The following AGPS variants were observed in gnomAD, a reference collection of about 807,000 sequenced individuals.
AGPS encodes alkylglycerone phosphate synthase.
A neutral mutation model predicts 90.7 loss-of-function variants in AGPS; 26 were observed. That is an observed-to-expected ratio of 0.29 (90% CI 0.21 to 0.40). The LOEUF (loss-of-function observed/expected upper bound fraction) is 0.40. Ranked by LOEUF, AGPS falls within the 10% of genes least tolerant of loss-of-function variation. The pLI is 1.00. For missense variants in AGPS, 540 were observed against 816.1 expected (o/e 0.66, Z 4.12); for synonymous variants, 294 against 285.3 (o/e 1.03, Z -0.31).
intron 8 of AGPS, among the ~76,000 whole-genome samples, chr2:177,446,772 A>G (rs1352529156): frequency 1.3e-5 from 2 of 152,200 alleles, no homozygotes; most frequent in Non-Finnish European, 2.9e-5. Flanking sequence ...AAAATGGAAC[A>G]GTTTGAACAT....
intron 2 of AGPS, among the ~76,000 whole-genome samples, chr2:177,426,314 G>A (rs1239422512): frequency 6.6e-6 from 1 of 152,146 alleles, no homozygotes; most frequent in African/African-American, 2.4e-5. Context: ...GGGTTTTCTA[G>A]ATACAGGATC....
At position 177,499,626 on chromosome 2, in the gene AGPS, A is replaced by T. The variant is rs776065678; in HGVS notation, c.1371A>T (p.Gly457=). The change falls in exon 14 of 20, where the codon GGA becomes GGT. Residue 457 remains glycine, a synonymous_variant. Transcript: ENST00000264167. ...LKKFYITKFK[G]FDPNQLSVAT... ...TTTTTTTTTTTTTGTAGTTTAAAGG[A>T]TTTGACCCAAATCAGCTAAGTGTAG... 3.1e-6 allele frequency: 5 copies of T among 1,603,374 alleles called. No individual in the cohort carries two copies. The South Asian group carries it at 5.6e-5, about 18-fold the overall frequency.
chr2:177,442,737 C>T (rs1005795648), intron 7 of AGPS, among the ~76,000 whole-genome samples: 11 of 148,564 alleles, frequency 7.4e-5, no homozygotes, highest in African/African-American at 2.5e-4. Flanking sequence ...ATCCCAGCTA[C>T]TTGGGAGGCT....
chr2:177,458,536 T>C (rs1244247586), intron 8 of AGPS, among the ~76,000 whole-genome samples: 2 of 151,526 alleles, frequency 1.3e-5, no homozygotes, highest in Non-Finnish European at 3.0e-5. Context: ...TATACACCAA[T>C]AACAGAGAGC....
intron 8 of AGPS, among the ~76,000 whole-genome samples, chr2:177,458,571 A>T (rs1687190365): frequency 2.6e-5 from 4 of 152,220 alleles, no homozygotes; most frequent in Admixed American, 2.6e-4. Flanking sequence ...ACTCCTATTC[A>T]CAATTGCTAC....
chr2:177,455,554 A>G (rs1284616441), intron 8 of AGPS, among the ~76,000 whole-genome samples: 2 of 151,904 alleles, frequency 1.3e-5, no homozygotes, highest in Non-Finnish European at 2.9e-5. Flanking sequence ...TCAGCCTCCT[A>G]AAGTGTTAGG....
intron 16 of AGPS, among the ~76,000 whole-genome samples, chr2:177,512,603 C>T (rs1688907550): frequency 6.6e-6 from 1 of 152,146 alleles, no homozygotes; most frequent in South Asian, 2.1e-4. Flanking sequence ...TAGAGATAAG[C>T]CAACCTTTTG....
At chr2:177,483,087 T>A (rs1332225733) in intron 11 of AGPS, among the ~76,000 whole-genome samples, 1 of 152,140 alleles carries the variant, frequency 6.6e-6, no homozygotes, top group African/African-American at 2.4e-5. Context: ...AGCTTCCTGA[T>A]ATCCAGAGCA....
intron 2 of AGPS, among the ~76,000 whole-genome samples, chr2:177,430,412 T>G (rs781562887): frequency 1.3e-5 from 2 of 152,200 alleles, no homozygotes; most frequent in Non-Finnish European, 2.9e-5. Flanking sequence ...GTAAAACTCC[T>G]GGGTTACTGT....
intron 10 of AGPS, among the ~76,000 whole-genome samples, chr2:177,476,561 A>C (rs1214137687): frequency 6.8e-6 from 1 of 147,204 alleles, no homozygotes; most frequent in South Asian, 2.1e-4. Flanking sequence ...AAATTTGTTC[A>C]AGTTTATTTT....
chr2:177,483,303 C>A (rs1688001124), intron 11 of AGPS, among the ~76,000 whole-genome samples: 1 of 151,924 alleles, frequency 6.6e-6, no homozygotes, highest in African/African-American at 2.4e-5. Context: ...TATATCATTC[C>A]CAGTGCTGTT....
intron 19 of AGPS, among the ~76,000 whole-genome samples, chr2:177,534,379 T>C (rs1438904447): frequency 6.6e-6 from 1 of 152,156 alleles, no homozygotes; most frequent in African/African-American, 2.4e-5. Context: ...TTTGAAAAAC[T>C]GTACTTGAAA....
At chr2:177,398,877 A>G (rs557352956) in intron 1 of AGPS, among the ~76,000 whole-genome samples, 2 of 152,204 alleles carry the variant, frequency 1.3e-5, no homozygotes, top group Non-Finnish European at 2.9e-5. Context: ...AATGTGGAAG[A>G]CCCAAGATCA....
rs1262908888 is a variant in AGPS at position 177,434,427 on chromosome 2, C to T, written c.441+10C>T. ...TAAAACTACCTCTAAAGTAAGCAAACAAAAATTATTACTAACTCATTTAAC... is the reference window on the plus strand; with the variant it reads ...TAAAACTACCTCTAAAGTAAGCAAATAAAAATTATTACTAACTCATTTAAC... On this transcript the variant is annotated intron_variant, in intron 3 of 19. Transcript: ENST00000264167. 2 of 1,580,768 alleles carry T rather than the reference C, an allele frequency of 1.3e-6. No homozygotes were observed. The highest frequency in any genetic ancestry group is 2.7e-5 in the African/African-American group (2 of 74,304).
intron 1 of AGPS, among the ~76,000 whole-genome samples, chr2:177,406,500 G>T (rs1685471116): frequency 6.6e-6 from 1 of 152,166 alleles, no homozygotes; most frequent in Non-Finnish European, 1.5e-5. Flanking sequence ...TTTTAGACAG[G>T]GGATATATAC....
At chr2:177,484,329 C>G in intron 11 of AGPS, among the ~76,000 whole-genome samples, 1 of 151,852 alleles carries the variant, frequency 6.6e-6, no homozygotes, top group Non-Finnish European at 1.5e-5. Flanking sequence ...ACTATTCCCC[C>G]CACAAAAAGT....
intron 1 of AGPS, among the ~76,000 whole-genome samples, chr2:177,419,557 C>T (rs1685885129): frequency 6.6e-6 from 1 of 151,804 alleles, no homozygotes; most frequent in Admixed American, 6.6e-5. Context: ...ATGATTCAAC[C>T]ATTGATTTTG....
intron 1 of AGPS, among the ~76,000 whole-genome samples, chr2:177,396,855 A>G (rs1321556810): frequency 6.6e-6 from 1 of 152,160 alleles, no homozygotes; most frequent in Non-Finnish European, 1.5e-5. Flanking sequence ...GAATGTGGAC[A>G]TTTCAGAGGG....
In AGPS at chr2:177,497,750, G is replaced by A. The variant is rs776270068; in HGVS notation, c.1347G>A (p.Lys449=). ...CATCATTTTTGGACGGATTAAAAAA[G>A]TTTTATATTACAAAGGTAAGAATTT... ...IFTSFLDGLK[K]FYITKFKGFD... Residue 449 remains lysine (K), a synonymous_variant, in exon 13 of 20, where the codon AAG becomes AAA. Coordinates refer to ENST00000264167, the MANE Select transcript of AGPS (RefSeq NM_003659.4). The A allele has an allele frequency of 2.6e-6, 4 of 1,536,464 alleles. No homozygotes were observed. In the Admixed American group the frequency reaches 6.8e-5, roughly 26 times the overall value.
Sources: gnomAD v4.1 joint callset for allele counts (sites outside exome capture counted in the v4.1 genomes callset) on GRCh38, gnomAD v4.1.1 for gene constraint, MANE v1.5 for transcripts, NCBI Gene and HGNC (gene_info 2026-07-23, HGNC 2026-07-21) for gene names.